ZC3H12A: variants seen among roughly 807,000 people sequenced by gnomAD.
The protein encoded by ZC3H12A is zinc finger CCCH-type containing 12A.
In ZC3H12A, 9 loss-of-function variants were observed where a neutral mutation model predicts 29.9. The ratio of observed to expected loss-of-function variants is 0.30; its 90% CI spans 0.18 to 0.53. ZC3H12A has a LOEUF of 0.53. Among genes scored for constraint, ZC3H12A ranks in the 20% least tolerant of loss-of-function variants. The pLI is 0.96. For missense variants in ZC3H12A, 617 were observed against 799.0 expected (o/e 0.77, Z 2.75); for synonymous variants, 323 against 338.1 (o/e 0.96, Z 0.49).
chr1:37,482,883 C>A lies in ZC3H12A; in HGVS notation c.1072C>A (p.Pro358Thr). 6.2e-7 allele frequency: 1 copy of A among 1,613,902 alleles called. No homozygotes were observed. ...APSKDKNGRR[P>T]SPSSQSSSLL... Reference sequence around the variant, plus strand: ...AAGCAAGGACAAAAATGGCCGGCGGCCTTCACCTTCATCCCAGTCCAGCTC... The same window carrying A: ...AAGCAAGGACAAAAATGGCCGGCGGACTTCACCTTCATCCCAGTCCAGCTC... Residue 358 changes from proline to threonine, a missense_variant, in exon 6 of 6, where the codon CCT (proline) becomes ACT (threonine). Around this residue, in one of 5 missense-constraint regions of ZC3H12A, gnomAD observed 115 missense variants for 112.5 expected, o/e 1.02. Transcript: ENST00000373087.
At chr1:37,474,960 C>A (rs1052098009) in intron 1 of ZC3H12A, among the ~76,000 whole-genome samples, 4 of 152,354 alleles carry the variant, frequency 2.6e-5, no homozygotes, top group Admixed American at 6.5e-5. Flanking sequence ...CCACGGGTCA[C>A]CCCAGAAACT....
Position 37,475,978 on chromosome 1 carries a change from C to T in ZC3H12A, c.443+39C>T, listed in dbSNP as rs1279757773. The T allele has an allele frequency of 4.8e-6, 7 of 1,473,348 alleles. No individual in the cohort carries two copies. The highest frequency in any genetic ancestry group is 2.5e-5 in the Admixed American group (1 of 40,696). The allele number at this position is 1,473,348 out of a possible 1,614,324, so 91.3% of individuals were successfully genotyped here. A position where few individuals can be genotyped will look rare whatever the true frequency, so the allele number is the denominator to read the frequency against. On this transcript the variant is annotated intron_variant, in intron 2 of 5. Transcript: ENST00000373087. This position sits in a 1 kb window ranked among gnomAD's most constrained non-coding sequence, Gnocchi z 5.2. ...CTGTGGCCAGGACACATGAGGTTCGCATCTCTCCTGTGGCCAGGACACATG... is the reference window on the plus strand; with the variant it reads ...CTGTGGCCAGGACACATGAGGTTCGTATCTCTCCTGTGGCCAGGACACATG...
At chr1:37,482,578 T>TCCTGCCCTTCCTCTCA (rs1344704855) in intron 5 of ZC3H12A, 38 bp downstream of exon 5, 1 of 1,610,574 alleles carries the variant, frequency 6.2e-7, no homozygotes, top group Non-Finnish European at 8.5e-7. Flanking sequence ...CCCTCCTCAC[T>TCCTGCCCTTCCTCTCA]CCTGCCCTTC....
Position 37,475,077 on chromosome 1 carries a change from T to C in ZC3H12A, c.-38-382T>C, listed in dbSNP as rs962806548. Among the ~76,000 whole-genome samples the C allele has an allele frequency of 1.3e-4, 20 of 152,322 alleles. No homozygotes were observed. The highest frequency in any genetic ancestry group is 1.3e-4 in the Non-Finnish European group (9 of 68,018). ...AGTGGTGGCCTCAGTGGGGAAGCCT[T>C]GGGCCCCGCAACGCACTTCCAGCCC... On this transcript the variant is annotated intron_variant, in intron 1 of 5. Coordinates refer to ENST00000373087, the MANE Select transcript of ZC3H12A (RefSeq NM_025079.3). This position sits in a 1 kb window ranked among gnomAD's most constrained non-coding sequence, Gnocchi z 5.2.
At position 37,479,744 on chromosome 1, in the gene ZC3H12A, G is replaced by A. The variant is rs1425087844; in HGVS notation, c.444-546G>A. The A allele has an allele frequency of 4.1e-6, 4 of 985,280 alleles. No homozygotes were observed. Among genetic ancestry groups the A allele is most frequent in the South Asian group, 9.4e-5 (2 of 21,296 alleles). The allele number at this position is 985,280 out of a possible 1,614,324, so 61.0% of individuals were successfully genotyped here. The stretch of plus-strand genomic sequence containing the variant: ...GTGTGTGAGGACTGAACTTTAATCC[G>A]GAACAATCTGGTTTCTCCTCGGTCA... On this transcript the variant is annotated intron_variant, in intron 2 of 5. Coordinates refer to ENST00000373087, the MANE Select transcript of ZC3H12A (RefSeq NM_025079.3). This position sits in a 1 kb window ranked among gnomAD's most constrained non-coding sequence, Gnocchi z 4.5.
At position 37,482,463 on chromosome 1, in the gene ZC3H12A, G is replaced by A. The variant is rs947070491; in HGVS notation, c.848G>A (p.Arg283Gln). The stretch of plus-strand genomic sequence containing the variant: ...ATGCCCCCTGATGACCCACTGGGCC[G>A]GCACGGGCCCAGCCTGGACAACTTC... Reference protein sequence around the residue: ...KFMPPDDPLGRHGPSLDNFLR... With the variant: ...KFMPPDDPLGQHGPSLDNFLR... Residue 283 changes from arginine (R) to glutamine (Q), a missense_variant, in exon 5 of 6, where the codon CGG becomes CAG. Arg to Gln is a conservative substitution (Grantham distance 43, BLOSUM62 1). This residue lies in a region of ZC3H12A where 255 missense variants were observed against 402.5 expected (regional missense o/e 0.63). Transcript: ENST00000373087. 13 of 1,613,824 alleles carry A rather than the reference G, an allele frequency of 8.1e-6. No individual in the cohort carries two copies. Among genetic ancestry groups the A allele is most frequent in the African/African-American group, 2.7e-5 (2 of 74,904 alleles).
In ZC3H12A at chr1:37,475,869, C is replaced by T; in HGVS notation, c.373C>T (p.Leu125Phe). The T allele has an allele frequency of 2.6e-6, 4 of 1,560,626 alleles. No homozygotes were observed. Among genetic ancestry groups the T allele is most frequent in the African/African-American group, 2.7e-5 (2 of 73,248 alleles). Residue 125 changes from leucine (L) to phenylalanine (F), a missense_variant, in exon 2 of 6, where the codon CTC becomes TTC. Leu to Phe is a conservative substitution (Grantham distance 22, BLOSUM62 0). Around this residue, in one of 5 missense-constraint regions of ZC3H12A, gnomAD observed 255 missense variants for 402.5 expected, o/e 0.63. Coordinates refer to ENST00000373087, the MANE Select transcript of ZC3H12A (RefSeq NM_025079.3). The surrounding 1 kb of genome is among the most constrained non-coding windows in gnomAD (Gnocchi z 5.2). ...TAAGGCTCCCAACCTGGAGCCTCCA[C>T]TCCCAGAAGAGGAAAAGGAGGGCAG... ...TPKAPNLEPP[L>F]PEEEKEGSDL...
At chr1:37,477,148 C>G (rs1158789495) in intron 2 of ZC3H12A, among the ~76,000 whole-genome samples, 1 of 152,212 alleles carries the variant, frequency 6.6e-6, no homozygotes, top group Admixed American at 6.5e-5. Context: ...GGCAGCAGGT[C>G]ACAGCCCATG....
At position 37,479,848 on chromosome 1, in the gene ZC3H12A, A is replaced by G. The variant is rs1641665620; in HGVS notation, c.444-442A>G. On this transcript the variant is annotated intron_variant, in intron 2 of 5. Transcript: ENST00000373087. This position sits in a 1 kb window ranked among gnomAD's most constrained non-coding sequence, Gnocchi z 4.5. ...GTGGTGACTCAGTGTGCATGTGTAC[A>G]TCTGTCCCTGTGGTCCCGGCAGCTC... 5 of 985,374 alleles carry G rather than the reference A, an allele frequency of 5.1e-6. No homozygotes were observed. In the African/African-American group the frequency reaches 5.2e-5, roughly 10 times the overall value. The allele number at this position is 985,374 out of a possible 1,614,324, so 61.0% of individuals were successfully genotyped here. A position where few individuals can be genotyped will look rare whatever the true frequency, so the allele number is the denominator to read the frequency against.
At position 37,483,263 on chromosome 1, in the gene ZC3H12A, C is replaced by T; in HGVS notation, c.1452C>T (p.Phe484=). 7 of 1,614,042 alleles carry T rather than the reference C, an allele frequency of 4.3e-6. No homozygotes were observed. The highest frequency in any genetic ancestry group is 5.9e-6 in the Non-Finnish European group (7 of 1,180,008). Residue 484 remains phenylalanine, a synonymous_variant, in exon 6 of 6, where the codon TTC becomes TTT. Coordinates refer to ENST00000373087, the MANE Select transcript of ZC3H12A (RefSeq NM_025079.3). The part of the protein sequence containing the change: ...YGSELPATAA[F]SAFGRAMGAG... ...CTGAGCTCCCAGCCACCGCAGCCTTCTCTGCCTTTGGCCGGGCCATGGGTG... is the reference window on the plus strand; with the variant it reads ...CTGAGCTCCCAGCCACCGCAGCCTTTTCTGCCTTTGGCCGGGCCATGGGTG...
chr1:37,480,422 C>T lies in ZC3H12A; in HGVS notation c.576C>T (p.Pro192=), dbSNP rs764693695. 1 of 1,611,980 alleles carries T rather than the reference C, an allele frequency of 6.2e-7. No homozygotes were observed. Among genetic ancestry groups the T allele is most frequent in the African/African-American group, 1.3e-5 (1 of 74,914 alleles). Residue 192 remains proline, a synonymous_variant, in exon 3 of 6, where the codon CCC becomes CCT. Transcript: ENST00000373087. ...WRKEQPRPDV[P]ITDQHILREL... ...AGGAGCAGCCTCGGCCCGACGTGCC[C>T]ATCACAGGTGAGTGGTGCCTCTGGA...
Position 37,481,657 on chromosome 1 carries a change from C to T in ZC3H12A, c.640C>T (p.Arg214Ter). 1 of 1,614,234 alleles carries T rather than the reference C, an allele frequency of 6.2e-7. No homozygotes were observed. The highest frequency in any genetic ancestry group is 8.5e-7 in the Non-Finnish European group (1 of 1,180,036). The change falls in exon 4 of 6, where the codon CGA becomes TGA. Residue 214 changes from arginine to a stop codon, truncating the protein, a stop_gained. Transcript: ENST00000373087. LOFTEE classifies it high-confidence loss of function. Reference sequence around the variant, plus strand: ...GAAGATCCTGGTGTTCACACCATCACGACGCGTGGGTGGCAAGCGGGTGGT... The same window carrying T: ...GAAGATCCTGGTGTTCACACCATCATGACGCGTGGGTGGCAAGCGGGTGGT... ...KKKILVFTPS[R>*]RVGGKRVVCY...
At position 37,476,136 on chromosome 1, in the gene ZC3H12A, A is replaced by G. The variant is rs1454136513; in HGVS notation, c.443+197A>G. ...TGGTAAGTGACAGAGGCAGGGTTCC[A>G]GCCCAGGTCCCTCTGTCCGCAGAGC... On this transcript the variant is annotated intron_variant, in intron 2 of 5. Transcript: ENST00000373087. This position sits in a 1 kb window ranked among gnomAD's most constrained non-coding sequence, Gnocchi z 6.0. Among the ~76,000 whole-genome samples, 1 of 152,206 alleles carries G rather than the reference A, an allele frequency of 6.6e-6. No homozygotes were observed. The highest frequency in any genetic ancestry group is 1.5e-5 in the Non-Finnish European group (1 of 68,040).
At chr1:37,477,048 T>A (rs934240454) in intron 2 of ZC3H12A, among the ~76,000 whole-genome samples, 1 of 152,176 alleles carries the variant, frequency 6.6e-6, no homozygotes, top group Non-Finnish European at 1.5e-5. Context: ...TGCTCTTCCC[T>A]CCTTCTGTCA....
chr1:37,480,993 G>A (rs2148045521), intron 3 of ZC3H12A, among the ~76,000 whole-genome samples: 1 of 152,324 alleles, frequency 6.6e-6, no homozygotes, highest in Non-Finnish European at 1.5e-5. Flanking sequence ...AGAGCCCCCA[G>A]CCTTTGGAGG....
chr1:37,481,956 G>A (rs531699521), intron 4 of ZC3H12A, 121 bp downstream of exon 4: 20 of 968,734 alleles, frequency 2.1e-5, no homozygotes, highest in Middle Eastern at 2.9e-4. Context: ...GGGAGGTTGC[G>A]GGTCTTGGCT....
chr1:37,481,217 T>G (rs1373776998), intron 3 of ZC3H12A, among the ~76,000 whole-genome samples: 3 of 152,206 alleles, frequency 2.0e-5, no homozygotes, highest in African/African-American at 4.8e-5. Context: ...AGAGCCAAGA[T>G]ACTTCTCCCA....
At chr1:37,480,149 C>G in intron 2 of ZC3H12A, 141 bp from the exon 3 acceptor site, 1 of 1,413,912 alleles carries the variant, frequency 7.1e-7, no homozygotes, top group Non-Finnish European at 9.3e-7. Context: ...GGGCTGGTGA[C>G]TCCAAAGGGG....
intron 2 of ZC3H12A, among the ~76,000 whole-genome samples, chr1:37,477,315 A>G (rs1051748395): frequency 6.6e-6 from 1 of 152,240 alleles, no homozygotes; most frequent in East Asian, 1.9e-4. Flanking sequence ...ATCCAGAAGG[A>G]GGAGGGACAT....
Sources: allele counts gnomAD v4.1 joint callset (sites outside exome capture counted in the v4.1 genomes callset), GRCh38; gene constraint gnomAD v4.1.1; regional missense constraint gnomAD v4.1.1; non-coding constraint Gnocchi (gnomAD v3.1); transcripts MANE v1.5; gene names NCBI Gene and HGNC (gene_info 2026-07-23, HGNC 2026-07-21).